The following SPMIP4 variants were observed in gnomAD, a reference collection of about 807,000 sequenced individuals.
The protein encoded by SPMIP4 is sperm microtubule inner protein 4.
the SPMIP4 span, among the ~76,000 whole-genome samples, chr7:25,174,779 T>A: frequency 5.9e-5 from 9 of 152,198 alleles, no homozygotes; most frequent in Non-Finnish European, 1.0e-4. This position sits in a 1 kb window ranked among gnomAD's most constrained non-coding sequence, Gnocchi z 4.5. Context: ...GTCAGCTGAA[T>A]GAAAAAGAGG....
the SPMIP4 span, among the ~76,000 whole-genome samples, chr7:25,175,365 C>T: frequency 6.6e-6 from 1 of 152,134 alleles, no homozygotes; most frequent in African/African-American, 2.4e-5. Flanking sequence ...TCAAGTGATC[C>T]TCCCACCTCA....
At chr7:25,139,069 T>G in the SPMIP4 span, among the ~76,000 whole-genome samples, 1 of 152,148 alleles carries the variant, frequency 6.6e-6, no homozygotes, top group Non-Finnish European at 1.5e-5. Context: ...TGTATCTTGA[T>G]AGGGGTTTGG....
chr7:25,169,893 GGCTAC>G, the SPMIP4 span, among the ~76,000 whole-genome samples: 1 of 152,090 alleles, frequency 6.6e-6, no homozygotes, highest in Non-Finnish European at 1.5e-5. Flanking sequence ...TCCTTTTAAT[GGCTAC>G]GTAATATTCC....
At chr7:25,169,758 TAG>T in the SPMIP4 span, among the ~76,000 whole-genome samples, 1 of 152,042 alleles carries the variant, frequency 6.6e-6, no homozygotes, top group Non-Finnish European at 1.5e-5. Flanking sequence ...GTATTTTCAG[TAG>T]AGACATGGTT....
At chr7:25,145,123 C>T in the SPMIP4 span, among the ~76,000 whole-genome samples, 4 of 152,056 alleles carry the variant, frequency 2.6e-5, no homozygotes, top group Non-Finnish European at 4.4e-5. Context: ...CCACCACGCC[C>T]GGCTAATTTT....
At chr7:25,176,721 A>G in the SPMIP4 span, among the ~76,000 whole-genome samples, 7 of 152,168 alleles carry the variant, frequency 4.6e-5, no homozygotes, top group Non-Finnish European at 1.0e-4. This position sits in a 1 kb window ranked among gnomAD's most constrained non-coding sequence, Gnocchi z 4.4. Context: ...TCATTTTCAT[A>G]ATTTTTCTGT....
the SPMIP4 span, among the ~76,000 whole-genome samples, chr7:25,132,851 T>C: frequency 2.6e-5 from 4 of 152,166 alleles, no homozygotes; most frequent in Admixed American, 1.3e-4. The surrounding 1 kb of genome is among the most constrained non-coding windows in gnomAD (Gnocchi z 5.0). Context: ...TTCCGAAAAT[T>C]TGAGCATTAT....
At chr7:25,153,893 T>C in the SPMIP4 span, among the ~76,000 whole-genome samples, 3 of 152,330 alleles carry the variant, frequency 2.0e-5, no homozygotes, top group East Asian at 3.9e-4. Flanking sequence ...TGAGAGGCAA[T>C]GGGAAAGTTC....
At chr7:25,167,266 A>G in the SPMIP4 span, among the ~76,000 whole-genome samples, 14 of 152,240 alleles carry the variant, frequency 9.2e-5, no homozygotes, top group Non-Finnish European at 1.6e-4. Flanking sequence ...GTTGGAGTCA[A>G]TACATCTGGA....
chr7:25,148,055 T>C, the SPMIP4 span, among the ~76,000 whole-genome samples: 1 of 152,208 alleles, frequency 6.6e-6, no homozygotes, highest in Non-Finnish European at 1.5e-5. Flanking sequence ...ATCAGGTTAG[T>C]AGTGTCCCTT....
the SPMIP4 span, among the ~76,000 whole-genome samples, chr7:25,162,453 A>G: frequency 2.0e-5 from 3 of 152,266 alleles, no homozygotes; most frequent in South Asian, 2.1e-4. Context: ...ACAAGAATCT[A>G]TAAGTAAAAT....
At chr7:25,145,713 T>C in the SPMIP4 span, among the ~76,000 whole-genome samples, 1 of 152,208 alleles carries the variant, frequency 6.6e-6, no homozygotes. Flanking sequence ...CTCAGAGGAA[T>C]AGTACTATAT....
At chr7:25,165,043 T>C in the SPMIP4 span, among the ~76,000 whole-genome samples, 41 of 152,232 alleles carry the variant, frequency 2.7e-4, no homozygotes, top group South Asian at 8.3e-4. Context: ...CTTGGGCTGG[T>C]TCCGTATTTT....
At chr7:25,152,561 G>A in the SPMIP4 span, among the ~76,000 whole-genome samples, 6 of 152,202 alleles carry the variant, frequency 3.9e-5, no homozygotes, top group Admixed American at 1.3e-4. Context: ...AAATTGAAGC[G>A]GAGAGAGAAT....
chr7:25,179,404 A>G, the SPMIP4 span: 1 of 1,400,746 alleles, frequency 7.1e-7, no homozygotes. Flanking sequence ...TACACTGCTA[A>G]ATTGTTCAAC....
the SPMIP4 span, chr7:25,142,888 G>T: frequency 8.7e-7 from 1 of 1,153,416 alleles, no homozygotes; most frequent in Non-Finnish European, 1.2e-6. Flanking sequence ...GATCTCAGCA[G>T]GAAAGAGGCA....
chr7:25,149,899 A>G, the SPMIP4 span, among the ~76,000 whole-genome samples: 288 of 152,350 alleles, frequency 1.9e-3, 1 homozygote, highest in African/African-American at 6.6e-3. Context: ...TCACTCACAC[A>G]GTAAATGGCA....
the SPMIP4 span, among the ~76,000 whole-genome samples, chr7:25,155,697 CCT>C: frequency 4.6e-5 from 7 of 152,106 alleles, no homozygotes; most frequent in East Asian, 1.9e-4. Context: ...AAATATAACC[CCT>C]GTTTATATAC....
chr7:25,136,538 GTTC>G, the SPMIP4 span: 3 of 1,614,046 alleles, frequency 1.9e-6, no homozygotes, highest in East Asian at 2.2e-5. This position sits in a 1 kb window ranked among gnomAD's most constrained non-coding sequence, Gnocchi z 5.7. Context: ...AGCAAGCTCT[GTTC>G]TTCTATGATC....
Sources: allele counts gnomAD v4.1 joint callset (sites outside exome capture counted in the v4.1 genomes callset), GRCh38; gene constraint gnomAD v4.1.1; non-coding constraint Gnocchi (gnomAD v3.1); transcripts MANE v1.5; gene names NCBI Gene and HGNC (gene_info 2026-07-23, HGNC 2026-07-21).